The following UBQLN1 variants were observed in gnomAD, a reference collection of about 807,000 sequenced individuals.
UBQLN1 encodes ubiquilin 1.
Under a neutral mutation model 65.4 loss-of-function variants are expected in UBQLN1, and 13 were observed. The ratio of observed to expected loss-of-function variants is 0.20; its 90% CI spans 0.13 to 0.32. UBQLN1 has a LOEUF of 0.32. UBQLN1 is among the 10% of genes least tolerant of loss of function. The pLI is 1.00. For synonymous variants in UBQLN1, 267 were observed against 247.8 expected, an observed-to-expected ratio of 1.08 and a Z score of -0.73; for missense variants, 561 against 724.0, an observed-to-expected ratio of 0.77 and a Z score of 2.58.
intron 4 of UBQLN1, 81 bp from the exon 5 acceptor site, chr9:83,678,680 C>T (rs1831885306): frequency 7.1e-7 from 1 of 1,409,624 alleles, no homozygotes; most frequent in African/African-American, 1.4e-5. Flanking sequence ...TATTAACTGC[C>T]ATTAAACAAA....
chr9:83,684,386 C>T (rs944028423), intron 2 of UBQLN1, among the ~76,000 whole-genome samples: 2 of 151,726 alleles, frequency 1.3e-5, no homozygotes, highest in African/African-American at 2.4e-5. Context: ...GTAGAGACAG[C>T]GTTTCACCAT....
intron 8 of UBQLN1, 185 bp from the exon 9 acceptor site, chr9:83,665,330 A>T (rs1564159284): frequency 2.2e-6 from 1 of 461,852 alleles, no homozygotes; most frequent in Non-Finnish European, 3.8e-6. Flanking sequence ...CTAGTGTGCA[A>T]ATTATTACTT....
Position 83,673,478 on chromosome 9 carries a change from G to C in UBQLN1, c.1106-4151C>G, listed in dbSNP as rs550890458. 8.3e-5 allele frequency among the ~76,000 whole-genome samples: 12 copies of C among 144,826 alleles called. No individual in the cohort carries two copies. In the South Asian group the frequency reaches 2.0e-3, roughly 24 times the overall value. ...GAGAATCTCTAGAACCTGGGAGGCAGAGGTTGCAGTGAGCCGTGATCATGC... is the reference window on the plus strand; with the variant it reads ...GAGAATCTCTAGAACCTGGGAGGCACAGGTTGCAGTGAGCCGTGATCATGC... On this transcript the variant is annotated intron_variant, in intron 6 of 10. Coordinates refer to ENST00000376395, the MANE Select transcript of UBQLN1 (RefSeq NM_013438.5).
chr9:83,697,465 T>C (rs1332509820), intron 1 of UBQLN1, among the ~76,000 whole-genome samples: 2 of 145,430 alleles, frequency 1.4e-5, no homozygotes, highest in Non-Finnish European at 3.0e-5. Flanking sequence ...GGCAAGAGAA[T>C]TGTGTGAACC....
rs545228106 is a variant in UBQLN1 at position 83,706,727 on chromosome 9, T to C, written c.180+773A>G. The stretch of plus-strand genomic sequence containing the variant: ...AGTTTAAGTAATATTCTGCATTCAC[T>C]CCGATTTTCTTTTATTTGATTGCAA... On this transcript the variant is annotated intron_variant, in intron 1 of 10. Transcript: ENST00000376395. 2.2e-3 allele frequency among the ~76,000 whole-genome samples: 340 copies of C among 152,310 alleles called. 3 individuals are homozygous for C. Among genetic ancestry groups the C allele is most frequent in the African/African-American group, 7.7e-3 (321 of 41,578 alleles).
chr9:83,677,635 A>T, intron 6 of UBQLN1, 92 bp downstream of exon 6: 1 of 901,462 alleles, frequency 1.1e-6, no homozygotes, highest in Non-Finnish European at 1.7e-6. Context: ...CTATACATAC[A>T]CACAAAAGCA....
At chr9:83,702,394 G>A (rs1441478846) in intron 1 of UBQLN1, among the ~76,000 whole-genome samples, 2 of 151,984 alleles carry the variant, frequency 1.3e-5, no homozygotes, top group African/African-American at 4.8e-5. Context: ...TTAGAACAAA[G>A]CAAATAAGAA....
intron 4 of UBQLN1, among the ~76,000 whole-genome samples, chr9:83,679,569 A>C (rs946215886): frequency 2.0e-5 from 3 of 152,242 alleles, no homozygotes; most frequent in African/African-American, 7.2e-5. Flanking sequence ...CCTTCAAAAT[A>C]AACTATTTAC....
At chr9:83,704,815 A>G (rs2131193016) in intron 1 of UBQLN1, among the ~76,000 whole-genome samples, 1 of 116,970 alleles carries the variant, frequency 8.5e-6, no homozygotes, top group South Asian at 3.0e-4. Context: ...GGTGACAGAG[A>G]CTCCATCTCA....
chr9:83,699,925 A>G (rs906471934), intron 1 of UBQLN1, among the ~76,000 whole-genome samples: 1 of 152,176 alleles, frequency 6.6e-6, no homozygotes, highest in Non-Finnish European at 1.5e-5. Context: ...ATTTTCATAA[A>G]TTTTGTGAGC....
chr9:83,665,300 TCTCCTCTTTGACAGCAAA>T (rs1831626426), intron 8 of UBQLN1, 155 bp from the exon 9 acceptor site: 1 of 505,988 alleles, frequency 2.0e-6, no homozygotes. Flanking sequence ...AACGCAAGTA[TCTCCTCTTTGACAGCAAA>T]CCTAGTGTGC....
chr9:83,698,520 C>G (rs1011323480), intron 1 of UBQLN1, among the ~76,000 whole-genome samples: 3 of 152,132 alleles, frequency 2.0e-5, no homozygotes, highest in African/African-American at 7.2e-5. Flanking sequence ...ATTAAAATTA[C>G]AATAGCCAAA....
intron 1 of UBQLN1, among the ~76,000 whole-genome samples, chr9:83,688,440 T>C (rs1221415222): frequency 2.6e-5 from 4 of 152,194 alleles, no homozygotes; most frequent in African/African-American, 9.6e-5. Flanking sequence ...TTCTTAACCT[T>C]AAACTCAGAA....
chr9:83,673,341 C>G (rs370268242), intron 6 of UBQLN1, among the ~76,000 whole-genome samples: 3 of 149,958 alleles, frequency 2.0e-5, no homozygotes, highest in Admixed American at 2.0e-4. Flanking sequence ...GAGTTTGAGA[C>G]CAGCCTGGCC....
chr9:83,680,995 AAAC>A (rs1831931309), intron 3 of UBQLN1, among the ~76,000 whole-genome samples: 2 of 152,252 alleles, frequency 1.3e-5, no homozygotes, highest in Non-Finnish European at 2.9e-5. Context: ...GTGTCAGAAA[AAAC>A]AGTCCAGATT....
intron 3 of UBQLN1, 58 bp downstream of exon 3, chr9:83,682,893 C>T: frequency 1.1e-6 from 1 of 894,042 alleles, no homozygotes; most frequent in Non-Finnish European, 1.7e-6. Flanking sequence ...CTGAAACTAC[C>T]CAGGAAGGGA....
intron 1 of UBQLN1, 82 bp downstream of exon 1, chr9:83,707,418 G>T: frequency 7.0e-7 from 1 of 1,424,032 alleles, no homozygotes; most frequent in South Asian, 1.4e-5. Context: ...CCTCTCCCAG[G>T]CCCTTCCAAA....
chr9:83,669,380 G>A (rs537836523), intron 6 of UBQLN1, 53 bp from the exon 7 acceptor site: 1 of 1,499,494 alleles, frequency 6.7e-7, no homozygotes, highest in African/African-American at 1.4e-5. Context: ...TTAAACAAAA[G>A]TTAAAGCTTT....
chr9:83,666,054 T>C (rs559960752), intron 8 of UBQLN1, among the ~76,000 whole-genome samples: 6 of 152,314 alleles, frequency 3.9e-5, no homozygotes, highest in South Asian at 2.1e-4. Context: ...ACTTCAAAGT[T>C]AGTACAATGA....
Sources: allele counts gnomAD v4.1 joint callset (sites outside exome capture counted in the v4.1 genomes callset), GRCh38; gene constraint gnomAD v4.1.1; transcripts MANE v1.5; gene names NCBI Gene and HGNC (gene_info 2026-07-23, HGNC 2026-07-21).